Variants in ELMO1 observed in about 807,000 individuals in gnomAD.
ELMO1 encodes engulfment and cell motility 1.
In ELMO1, 26 loss-of-function variants were observed where a neutral mutation model predicts 98.9. The ratio of observed to expected loss-of-function variants is 0.26; its 90% CI spans 0.19 to 0.36. The LOEUF is 0.36. ELMO1 is among the 10% of genes least tolerant of loss of function. The pLI is 1.00. For synonymous variants in ELMO1, 346 were observed against 346.0 expected, an observed-to-expected ratio of 1.00 and a Z score of 0.00; for missense variants, 627 against 935.2, an observed-to-expected ratio of 0.67 and a Z score of 4.30.
At chr7:36,858,380 A>G (rs1802366550) in intron 21 of ELMO1, among the ~76,000 whole-genome samples, 4 of 152,212 alleles carry the variant, frequency 2.6e-5, no homozygotes, top group Admixed American at 2.6e-4. Flanking sequence ...GCTGCTGCTT[A>G]GAAAGGGAGC....
At chr7:36,876,830 T>A (rs1356074338) in intron 19 of ELMO1, among the ~76,000 whole-genome samples, 1 of 152,212 alleles carries the variant, frequency 6.6e-6, no homozygotes, top group Non-Finnish European at 1.5e-5. Flanking sequence ...CAGCAGTGGA[T>A]TTCAGATTTC....
At chr7:37,436,500 C>G (rs1805148700) in intron 1 of ELMO1, among the ~76,000 whole-genome samples, 1 of 152,214 alleles carries the variant, frequency 6.6e-6, no homozygotes, top group African/African-American at 2.4e-5. Context: ...TTTGGAGAAG[C>G]AGTTTCTGTT....
intron 4 of ELMO1, among the ~76,000 whole-genome samples, chr7:37,287,957 T>C (rs1797478596): frequency 3.9e-5 from 6 of 152,142 alleles, no homozygotes. Flanking sequence ...CACCTTTTTT[T>C]TGTTTATTTG....
At chr7:37,314,629 T>A (rs866333297) in intron 4 of ELMO1, among the ~76,000 whole-genome samples, 65 of 152,176 alleles carry the variant, frequency 4.3e-4, no homozygotes, top group African/African-American at 1.4e-3. Context: ...CAACTGCAGT[T>A]GCTAAACAAG....
At chr7:37,113,027 T>C (rs1785343998) in intron 14 of ELMO1, among the ~76,000 whole-genome samples, 2 of 152,338 alleles carry the variant, frequency 1.3e-5, no homozygotes, top group South Asian at 4.1e-4. Context: ...AGCATCAGCA[T>C]ATCTGGGGCA....
intron 16 of ELMO1, among the ~76,000 whole-genome samples, chr7:36,896,121 T>G (rs1805977830): frequency 6.6e-6 from 1 of 152,218 alleles, no homozygotes; most frequent in African/African-American, 2.4e-5. Flanking sequence ...AAACCACAGA[T>G]GCACCCTGCT....
intron 1 of ELMO1, among the ~76,000 whole-genome samples, chr7:37,370,658 A>T (rs1173804641): frequency 6.6e-6 from 1 of 152,202 alleles, no homozygotes; most frequent in Non-Finnish European, 1.5e-5. Context: ...AACCTATAAA[A>T]AGAAGGTCAA....
intron 16 of ELMO1, among the ~76,000 whole-genome samples, chr7:36,965,481 C>T (rs551146743): frequency 6.6e-6 from 1 of 152,268 alleles, no homozygotes; most frequent in South Asian, 2.1e-4. Flanking sequence ...GAGAAAATGG[C>T]TCAGTAAGGG....
intron 16 of ELMO1, among the ~76,000 whole-genome samples, chr7:36,999,495 G>T (rs1268028681): frequency 6.6e-6 from 1 of 152,200 alleles, no homozygotes; most frequent in Non-Finnish European, 1.5e-5. Flanking sequence ...GAGCTAGGGT[G>T]TGAATCCCAC....
intron 15 of ELMO1, among the ~76,000 whole-genome samples, chr7:37,013,989 T>C (rs1793741048): frequency 6.6e-6 from 1 of 152,168 alleles, no homozygotes; most frequent in African/African-American, 2.4e-5. Context: ...TAACCATTTG[T>C]TTTACATTTC....
intron 15 of ELMO1, among the ~76,000 whole-genome samples, chr7:37,059,025 G>A (rs1298601028): frequency 6.6e-6 from 1 of 152,236 alleles, no homozygotes; most frequent in African/African-American, 2.4e-5. Flanking sequence ...TGTCCCACTC[G>A]GGCCACCTGA....
At chr7:37,377,307 G>A (rs1802391267) in intron 1 of ELMO1, among the ~76,000 whole-genome samples, 1 of 151,882 alleles carries the variant, frequency 6.6e-6, no homozygotes, top group Admixed American at 6.6e-5. Context: ...ATAGGATGTG[G>A]TATGTCTCAC....
At chr7:37,004,547 C>T (rs61287895) in intron 16 of ELMO1, among the ~76,000 whole-genome samples, 11,377 of 152,222 alleles carry the variant, frequency 0.075, 1,127 homozygotes, top group African/African-American at 0.23. Context: ...ACGTGCTACA[C>T]ATGCAAAGAA....
At chr7:37,252,285 G>A (rs1795392740) in intron 6 of ELMO1, among the ~76,000 whole-genome samples, 1 of 152,158 alleles carries the variant, frequency 6.6e-6, no homozygotes, top group South Asian at 2.1e-4. Flanking sequence ...ACATTCCTAA[G>A]CAAAAAGAAC....
At chr7:37,232,955 CATA>C (rs1460249175) in intron 8 of ELMO1, 137 bp downstream of exon 8, 2 of 764,340 alleles carry the variant, frequency 2.6e-6, no homozygotes, top group South Asian at 2.0e-5. Flanking sequence ...CCCCCACATA[CATA>C]ATATTATAAA....
At position 36,877,903 on chromosome 7, in the gene ELMO1, G is replaced by T. The variant is rs944678988; in HGVS notation, c.1822+107C>A. 5 of 810,530 alleles carry T rather than the reference G, an allele frequency of 6.2e-6. No individual in the cohort carries two copies. In the East Asian group the frequency reaches 7.9e-5, roughly 13 times the overall value. 50.2% of individuals were successfully genotyped at this position (810,530 alleles called of 1,614,324 possible). A position where few individuals can be genotyped will look rare whatever the true frequency, so the allele number is the denominator to read the frequency against. On this transcript the variant is annotated intron_variant, in intron 19 of 21. Coordinates refer to ENST00000310758, the MANE Select transcript of ELMO1 (RefSeq NM_014800.11). ...GCGACGACTTACAACTAGATGAGAT[G>T]TGTTCAAAGGGCTTACTTAGGCTGA...
intron 5 of ELMO1, among the ~76,000 whole-genome samples, chr7:37,266,060 C>G (rs1796227145): frequency 6.6e-6 from 1 of 152,132 alleles, no homozygotes; most frequent in Non-Finnish European, 1.5e-5. Flanking sequence ...TGACCCGGTG[C>G]CCTGGCCGCC....
chr7:37,203,740 C>T (rs184097709), intron 13 of ELMO1, among the ~76,000 whole-genome samples: 5 of 152,172 alleles, frequency 3.3e-5, no homozygotes, highest in Non-Finnish European at 7.4e-5. Context: ...CGGCAAGGGT[C>T]AGAATAGATA....
At chr7:37,066,130 C>A (rs1374607536) in intron 15 of ELMO1, among the ~76,000 whole-genome samples, 1 of 152,176 alleles carries the variant, frequency 6.6e-6, no homozygotes, top group Non-Finnish European at 1.5e-5. Flanking sequence ...CCATGTGGAA[C>A]TGTGAGTCAA....
Sources: allele counts gnomAD v4.1 joint callset (sites outside exome capture counted in the v4.1 genomes callset), GRCh38; gene constraint gnomAD v4.1.1; transcripts MANE v1.5; gene names NCBI Gene and HGNC (gene_info 2026-07-23, HGNC 2026-07-21).